Variants in DAB1 observed in about 807,000 individuals in gnomAD.
DAB1 encodes the protein disabled homolog 1.
In DAB1, 15 loss-of-function variants were observed where a neutral mutation model predicts 64.6. That is an observed-to-expected ratio of 0.23 (90% CI 0.16 to 0.36). DAB1 has a LOEUF of 0.36. DAB1 is among the 10% of genes least tolerant of loss of function. The pLI, the probability that DAB1 is intolerant of heterozygous loss-of-function variation, is 1.00. For missense variants in DAB1, 596 were observed against 706.7 expected, an observed-to-expected ratio of 0.84 and a Z score of 1.78; for synonymous variants, 235 against 251.9, an observed-to-expected ratio of 0.93 and a Z score of 0.64.
chr1:57,506,327 T>G (rs1164420600), intron 7 of DAB1, among the ~76,000 whole-genome samples: 2 of 151,164 alleles, frequency 1.3e-5, no homozygotes, highest in African/African-American at 4.8e-5. Flanking sequence ...GAAATCAGTT[T>G]CCTGATCAGT....
intron 5 of DAB1, among the ~76,000 whole-genome samples, chr1:57,984,994 C>T (rs754889270): frequency 4.6e-5 from 7 of 152,018 alleles, no homozygotes; most frequent in Admixed American, 2.0e-4. Context: ...CTGCAACCTC[C>T]GCCTCCCAGG....
At chr1:57,638,785 G>A (rs578058377) in intron 7 of DAB1, among the ~76,000 whole-genome samples, 14 of 151,712 alleles carry the variant, frequency 9.2e-5, no homozygotes, top group South Asian at 6.2e-4. Context: ...GAAAGAGTTG[G>A]ATCTTTTCTT....
intron 4 of DAB1, among the ~76,000 whole-genome samples, chr1:58,181,346 T>A (rs1656779932): frequency 6.6e-6 from 1 of 152,166 alleles, no homozygotes; most frequent in African/African-American, 2.4e-5. Context: ...ATCTAAAATA[T>A]GTGTTTTGGA....
intron 5 of DAB1, among the ~76,000 whole-genome samples, chr1:57,903,478 G>GA (rs1384667666): frequency 6.6e-6 from 1 of 151,992 alleles, no homozygotes; most frequent in Non-Finnish European, 1.5e-5. Flanking sequence ...AATATTGGAG[G>GA]AAAAAACTGG....
intron 7 of DAB1, among the ~76,000 whole-genome samples, chr1:57,614,951 A>G (rs1645773598): frequency 1.4e-5 from 2 of 145,184 alleles, no homozygotes; most frequent in South Asian, 4.4e-4. Flanking sequence ...GCTCACTGCA[A>G]ACTCCCTCTC....
chr1:57,901,889 C>T (rs1335613758), intron 5 of DAB1, among the ~76,000 whole-genome samples: 3 of 152,084 alleles, frequency 2.0e-5, no homozygotes, highest in African/African-American at 2.4e-5. Flanking sequence ...GTACTCTGAA[C>T]TTGGTCTTAT....
At position 57,493,126 on chromosome 1, in the gene DAB1, A is replaced by ATGTG. The variant is rs34183580; in HGVS notation, n.625+156462_625+156465dup. On this transcript the variant is annotated intron_variant and non_coding_transcript_variant, in intron 7 of 20. Transcript: ENST00000485760. ...GAAGGGCAGGGATCAAATTGTGTGT[A>ATGTG]TGTGTGTGTGTGTGTGTGTGTGGCA... 2.4e-3 allele frequency among the ~76,000 whole-genome samples: 359 copies of ATGTG among 149,622 alleles called. 2 individuals are homozygous for ATGTG. Among genetic ancestry groups the ATGTG allele is most frequent in the African/African-American group, 8.1e-3 (330 of 40,714 alleles).
chr1:58,076,826 ACTG>A (rs72388953), intron 5 of DAB1, among the ~76,000 whole-genome samples: 4,319 of 152,248 alleles, frequency 0.028, 188 homozygotes, highest in African/African-American at 0.098. Context: ...TTGTAGCTAC[ACTG>A]ATGAAGCTGA....
chr1:57,801,545 C>A (rs192725880), intron 6 of DAB1, among the ~76,000 whole-genome samples: 24 of 152,316 alleles, frequency 1.6e-4, no homozygotes, highest in African/African-American at 5.3e-4. Flanking sequence ...GTTATATCTT[C>A]CCTTTACCTA....
At chr1:58,494,537 T>C (rs1187450179) in intron 3 of DAB1, among the ~76,000 whole-genome samples, 2 of 152,064 alleles carry the variant, frequency 1.3e-5, no homozygotes, top group Admixed American at 1.3e-4. Context: ...AGGGCTAATA[T>C]CCAGAATCTA....
intron 5 of DAB1, among the ~76,000 whole-genome samples, chr1:58,027,513 T>C (rs1186568756): frequency 6.6e-6 from 1 of 152,220 alleles, no homozygotes; most frequent in African/African-American, 2.4e-5. Flanking sequence ...ATACTTTCTG[T>C]CCTTCTGCAC....
At chr1:57,437,835 C>A (rs563046389) in intron 7 of DAB1, among the ~76,000 whole-genome samples, 1 of 152,304 alleles carries the variant, frequency 6.6e-6, no homozygotes, top group South Asian at 2.1e-4. Context: ...TTTTAACAAT[C>A]AAGGAGTTCC....
chr1:57,749,338 T>C (rs1648443710), intron 6 of DAB1, among the ~76,000 whole-genome samples: 1 of 152,204 alleles, frequency 6.6e-6, no homozygotes, highest in Non-Finnish European at 1.5e-5. Context: ...TTTCTTACTG[T>C]AGACTAGTAG....
At chr1:58,458,838 A>C (rs183848275) in intron 3 of DAB1, among the ~76,000 whole-genome samples, 32 of 151,162 alleles carry the variant, frequency 2.1e-4, no homozygotes, top group African/African-American at 6.0e-4. Context: ...AACAAAAAAA[A>C]AAAACGGTTT....
Position 57,712,281 on chromosome 1 carries a change from C to A in DAB1, n.552-62616G>T, listed in dbSNP as rs955928987. Among the ~76,000 whole-genome samples, 8 of 152,160 alleles carry A rather than the reference C, an allele frequency of 5.3e-5. No homozygotes were observed. In the East Asian group the frequency reaches 1.5e-3, roughly 29 times the overall value. On this transcript the variant is annotated intron_variant and non_coding_transcript_variant, in intron 6 of 20. Transcript: ENST00000485760. ...ATGAGAATACCCACCAAAGTGAGGCCTACCTACAAAAATGTACTCCTTGTA... is the reference window on the plus strand; with the variant it reads ...ATGAGAATACCCACCAAAGTGAGGCATACCTACAAAAATGTACTCCTTGTA...
At chr1:57,379,967 G>A (rs771755181) in intron 1 of DAB1, among the ~76,000 whole-genome samples, 2 of 152,192 alleles carry the variant, frequency 1.3e-5, no homozygotes, top group Admixed American at 6.5e-5. Context: ...GTGAATCCAC[G>A]TGAAGCTCTT....
chr1:58,160,728 A>G (rs1655490594), intron 4 of DAB1, among the ~76,000 whole-genome samples: 1 of 152,160 alleles, frequency 6.6e-6, no homozygotes, highest in African/African-American at 2.4e-5. Flanking sequence ...CAGGCTTTAA[A>G]TAATTTTGGG....
At chr1:57,035,405 T>C (rs577018565) in intron 9 of DAB1, among the ~76,000 whole-genome samples, 2 of 152,228 alleles carry the variant, frequency 1.3e-5, no homozygotes, top group East Asian at 1.9e-4. Flanking sequence ...CCATGTCCCA[T>C]ATAATGAAAA....
At chr1:58,161,684 C>T (rs1256210145) in intron 4 of DAB1, among the ~76,000 whole-genome samples, 1 of 152,052 alleles carries the variant, frequency 6.6e-6, no homozygotes, top group Non-Finnish European at 1.5e-5. Flanking sequence ...CAAGTAAATA[C>T]TGTCATCATG....
Sources: gnomAD v4.1 joint callset for allele counts (sites outside exome capture counted in the v4.1 genomes callset) on GRCh38, gnomAD v4.1.1 for gene constraint, MANE v1.5 for transcripts, NCBI Gene and HGNC (gene_info 2026-07-23, HGNC 2026-07-21) for gene names.